Variants in SON observed in about 807,000 individuals in gnomAD.
SON encodes the protein protein SON.
In SON, 4 loss-of-function variants were observed where a neutral mutation model predicts 173.3. The observed-to-expected ratio is 0.02, with a 90% CI of 0.01 to 0.05. SON has a LOEUF of 0.05. Ranked by LOEUF, SON falls within the 10% of genes least tolerant of loss-of-function variation. SON has a pLI of 1.00. For missense variants in SON, 2,626 were observed against 3,055.3 expected, an observed-to-expected ratio of 0.86 and a Z score of 3.31; for synonymous variants, 1,190 against 1,105.9, an observed-to-expected ratio of 1.08 and a Z score of -1.51.
intron 9 of SON, among the ~76,000 whole-genome samples, chr21:33,574,429 A>T (rs2086353947): frequency 6.6e-6 from 1 of 152,210 alleles, no homozygotes; most frequent in Non-Finnish European, 1.5e-5. Context: ...GCCTGACTGT[A>T]AGCTCTCAGA....
At chr21:33,560,815 C>A (rs2086057396) in intron 6 of SON, 1 of 157,558 alleles carries the variant, frequency 6.3e-6, no homozygotes. Context: ...GACTAGGTAT[C>A]TGATGCCCAT....
chr21:33,552,879 T>G lies in SON; in HGVS notation c.3648T>G (p.Ser1216Arg). ...TATCGCAGCCTGAGCCTCCTGTGAG[T>G]CAAAGTGAGATTTCGGAGCCTTCAG... ...ESVSQPEPPV[S>R]QSEISEPSAV... Residue 1216 changes from serine (S) to arginine (R), a missense_variant, in exon 3 of 12, where the codon AGT becomes AGG. Physicochemically the swap from Ser to Arg is moderately radical, Grantham distance 110. Transcript: ENST00000356577. The surrounding 1 kb of genome is among the most constrained non-coding windows in gnomAD (Gnocchi z 5.6). 6.2e-7 allele frequency: 1 copy of G among 1,613,446 alleles called. No homozygotes were observed. The highest frequency in any genetic ancestry group is 8.5e-7 in the Non-Finnish European group (1 of 1,179,544).
chr21:33,561,488 C>T (rs1246589682), intron 6 of SON, among the ~76,000 whole-genome samples: 1 of 152,124 alleles, frequency 6.6e-6, no homozygotes, highest in Non-Finnish European at 1.5e-5. Flanking sequence ...CAAATATTTT[C>T]CACTGAAGAC....
chr21:33,546,189 A>AT (rs767349906), intron 1 of SON, 24 bp from the exon 2 acceptor site: 2 of 1,580,164 alleles, frequency 1.3e-6, no homozygotes, highest in East Asian at 4.5e-5. Flanking sequence ...ATATTAATGA[A>AT]TTTCGATAAC....
In SON at chr21:33,559,976, C is replaced by T; in HGVS notation, c.6657+201C>T. On this transcript the variant is annotated intron_variant, in intron 6 of 11. Coordinates refer to ENST00000356577, the MANE Select transcript of SON (RefSeq NM_138927.4). This position sits in a 1 kb window ranked among gnomAD's most constrained non-coding sequence, Gnocchi z 4.1. ...ATGCAATTCACTTTGTGGAACCAAG[C>T]CACAAAGTGAAAAGCATCGAATTGC... 1.9e-6 allele frequency: 3 copies of T among 1,614,152 alleles called. No individual in the cohort carries two copies. The highest frequency in any genetic ancestry group is 2.5e-6 in the Non-Finnish European group (3 of 1,179,998).
In SON at chr21:33,573,303, G is replaced by A. The variant is rs2086328408; in HGVS notation, c.6886-5G>A. 1 of 1,603,876 alleles carries A rather than the reference G, an allele frequency of 6.2e-7. No homozygotes were observed. Among genetic ancestry groups the A allele is most frequent in the Non-Finnish European group, 8.5e-7 (1 of 1,176,328 alleles). ...GGGACATTTTACCTTTCTTTCTTTG[G>A]ATAGGATCAGTTCTTAAGAGCAGCC... On this transcript the variant is annotated splice_region_variant and splice_polypyrimidine_tract_variant and intron_variant, in intron 8 of 11. Transcript: ENST00000356577.
chr21:33,565,373 TATA>T (rs1322850869), intron 6 of SON, among the ~76,000 whole-genome samples: 1 of 152,184 alleles, frequency 6.6e-6, no homozygotes, highest in Non-Finnish European at 1.5e-5. Context: ...CACTTAGATT[TATA>T]GAGACTGCTA....
chr21:33,554,463 T>A lies in SON; in HGVS notation c.5232T>A (p.Arg1744=). 2 of 1,614,174 alleles carry A rather than the reference T, an allele frequency of 1.2e-6. No homozygotes were observed. Among genetic ancestry groups the A allele is most frequent in the Non-Finnish European group, 1.7e-6 (2 of 1,180,026 alleles). ...VRPLLPKDME[R]LTSLRAGIEG... ...CGTTACTTCCTAAGGACATGGAACG[T>A]CTTACAAGCCTTAGAGCTGGCATTG... Residue 1744 remains arginine (R), a synonymous_variant, in exon 3 of 12, where the codon CGT becomes CGA. Coordinates refer to ENST00000356577, the MANE Select transcript of SON (RefSeq NM_138927.4).
At chr21:33,574,051 G>C (rs989492203) in intron 9 of SON, among the ~76,000 whole-genome samples, 2 of 152,110 alleles carry the variant, frequency 1.3e-5, no homozygotes, top group Admixed American at 6.5e-5. Flanking sequence ...TCAGATACCT[G>C]GGCAGGGCAG....
At chr21:33,557,776 T>A in intron 4 of SON, 3 of 1,269,838 alleles carry the variant, frequency 2.4e-6, no homozygotes, top group Non-Finnish European at 3.1e-6. Context: ...TGAAAGGAAC[T>A]TCTTTCGCAT....
rs749661093 is a variant in SON, at chr21:33,552,631, G to A, written c.3400G>A (p.Asp1134Asn). Reference sequence around the variant, plus strand: ...GTCTATGGCTGCTGATTCTTACACCGATTCTTACACTGACACATATACAGA... The same window carrying A: ...GTCTATGGCTGCTGATTCTTACACCAATTCTTACACTGACACATATACAGA... ...MMSMAADSYT[D>N]SYTDTYTEAY... is the part of the protein sequence containing the mutation. The change falls in exon 3 of 12, where the codon GAT (aspartate) becomes AAT (asparagine). Residue 1134 changes from aspartate (D) to asparagine (N), a missense_variant. By Grantham distance (23) the Asp-to-Asn change is conservative. Transcript: ENST00000356577. This position sits in a 1 kb window ranked among gnomAD's most constrained non-coding sequence, Gnocchi z 5.6. The A allele has an allele frequency of 5.0e-6, 8 of 1,613,902 alleles. No homozygotes were observed. Among genetic ancestry groups the A allele is most frequent in the East Asian group, 2.2e-5 (1 of 44,898 alleles).
intron 8 of SON, among the ~76,000 whole-genome samples, chr21:33,571,293 A>T (rs1347562137): frequency 6.6e-6 from 1 of 152,208 alleles, no homozygotes. Context: ...AAAATTTAGG[A>T]TGTATGATCC....
chr21:33,547,805 C>T (rs1373287413), intron 2 of SON, among the ~76,000 whole-genome samples: 1 of 148,966 alleles, frequency 6.7e-6, no homozygotes, highest in East Asian at 2.0e-4. Context: ...AGCTCCGCCT[C>T]CCGGGTTCAC....
rs761348471 is a variant in SON at position 33,551,156 on chromosome 21, C to T, written c.1925C>T (p.Pro642Leu). ...GGGCAGCCTGGGGCGCCAGAGTTGC[C>T]TGGGCAGCCTGTGGCAACTGTGGCG... ...LPGQPGAPEL[P>L]GQPVATVALE... is the part of the protein sequence containing the mutation. Residue 642 changes from proline to leucine, a missense_variant, in exon 3 of 12, where the codon CCT becomes CTT. Coordinates refer to ENST00000356577, the MANE Select transcript of SON (RefSeq NM_138927.4). 4 of 1,613,778 alleles carry T rather than the reference C, an allele frequency of 2.5e-6. No individual in the cohort carries two copies. Among genetic ancestry groups the T allele is most frequent in the Non-Finnish European group, 1.7e-6 (2 of 1,179,800 alleles).
At chr21:33,568,320 C>T (rs1045891666) in intron 7 of SON, among the ~76,000 whole-genome samples, 2 of 152,218 alleles carry the variant, frequency 1.3e-5, no homozygotes, top group African/African-American at 2.4e-5. Context: ...TGGAGAAACC[C>T]TGTCTCGACT....
chr21:33,554,272 G>A lies in SON; in HGVS notation c.5041G>A (p.Glu1681Lys). The A allele has an allele frequency of 1.2e-6, 2 of 1,614,080 alleles. No individual in the cohort carries two copies. Among genetic ancestry groups the A allele is most frequent in the East Asian group, 4.5e-5 (2 of 44,888 alleles). The change falls in exon 3 of 12, where the codon GAA becomes AAA. Residue 1681 changes from glutamate to lysine, a missense_variant. Physicochemically the swap from Glu to Lys is moderately conservative, Grantham distance 56. Around this residue, in one of 13 missense-constraint regions of SON, gnomAD observed 1,006 missense variants for 895.6 expected, o/e 1.12. Coordinates refer to ENST00000356577, the MANE Select transcript of SON (RefSeq NM_138927.4). ...NNNLVSKDTE[E>K]PLPVKESDQT... is the part of the protein sequence containing the mutation. ...TAACCTTGTTAGTAAGGATACAGAAGAACCATTACCTGTAAAAGAGAGTGA... is the reference window on the plus strand; with the variant it reads ...TAACCTTGTTAGTAAGGATACAGAAAAACCATTACCTGTAAAAGAGAGTGA...
At position 33,556,276 on chromosome 21, in the gene SON, T is replaced by C. The variant is rs145845366; in HGVS notation, c.6161-880T>C. ...GTGGAGGAGACATGGGTAAAATGCA[T>C]ATATGTCTCTCTTATAGTAACACTG... On this transcript the variant is annotated intron_variant, in intron 3 of 11. Transcript: ENST00000356577. 1.4e-3 allele frequency among the ~76,000 whole-genome samples: 209 copies of C among 152,312 alleles called. 4 individuals carry two copies. The highest frequency in any genetic ancestry group is 0.011 in the Admixed American group (162 of 15,302).
intron 1 of SON, among the ~76,000 whole-genome samples, chr21:33,544,416 A>C (rs2085558919): frequency 6.6e-6 from 1 of 152,196 alleles, no homozygotes; most frequent in African/African-American, 2.4e-5. Context: ...TAGTTTAACG[A>C]GGTGTGTTTT....
At position 33,576,616 on chromosome 21, in the gene SON, C is replaced by T. The variant is rs1392138698; in HGVS notation, c.*192C>T. On this transcript the variant is annotated 3_prime_UTR_variant, in exon 12 of 12. Coordinates refer to ENST00000356577, the MANE Select transcript of SON (RefSeq NM_138927.4). Reference sequence around the variant, plus strand: ...ATAATCATTTCAGAATTTTACTCTGCATCACAATGTATTTCCTCTTTAATG... The same window carrying T: ...ATAATCATTTCAGAATTTTACTCTGTATCACAATGTATTTCCTCTTTAATG... The T allele has an allele frequency of 5.8e-6, 4 of 695,488 alleles. No individual in the cohort carries two copies. The highest frequency in any genetic ancestry group is 2.0e-5 in the Admixed American group (1 of 49,168). The allele number at this position is 695,488 out of a possible 1,614,324, so 43.1% of individuals were successfully genotyped here.
Sources: allele counts gnomAD v4.1 joint callset (sites outside exome capture counted in the v4.1 genomes callset), GRCh38; gene constraint gnomAD v4.1.1; regional missense constraint gnomAD v4.1.1; non-coding constraint Gnocchi (gnomAD v3.1); transcripts MANE v1.5; gene names NCBI Gene and HGNC (gene_info 2026-07-23, HGNC 2026-07-21).